ARID3B: variants seen among roughly 807,000 people sequenced by gnomAD.
The protein encoded by ARID3B is AT-rich interactive domain-containing protein 3B.
In ARID3B, 10 loss-of-function variants were observed where a neutral mutation model predicts 51.9. The ratio of observed to expected loss-of-function variants is 0.19; its 90% CI spans 0.12 to 0.33. ARID3B has a LOEUF of 0.33. Among genes scored for constraint, ARID3B ranks in the 10% least tolerant of loss-of-function variants. ARID3B has a pLI of 1.00. For missense variants in ARID3B, 483 were observed against 716.3 expected, an observed-to-expected ratio of 0.67 and a Z score of 3.72; for synonymous variants, 205 against 279.5, an observed-to-expected ratio of 0.73 and a Z score of 2.66.
chr15:74,593,187 C>T lies in ARID3B; in HGVS notation c.1470C>T (p.Ser490=). 6.2e-7 allele frequency: 1 copy of T among 1,613,730 alleles called. No individual in the cohort carries two copies. Among genetic ancestry groups the T allele is most frequent in the Non-Finnish European group, 8.5e-7 (1 of 1,179,996 alleles). Reference sequence around the variant, plus strand: ...CAGCACTGAACCTGACCACGAGTAGCATTGGGAGCATTAACATGTCTGTGG... The same window carrying T: ...CAGCACTGAACCTGACCACGAGTAGTATTGGGAGCATTAACATGTCTGTGG... ...SAAALNLTTS[S]IGSINMSVDI... The change falls in exon 8 of 9, where the codon AGC becomes AGT. Residue 490 remains serine, a synonymous_variant. Coordinates refer to ENST00000346246, the MANE Select transcript of ARID3B (RefSeq NM_006465.4).
intron 8 of ARID3B, among the ~76,000 whole-genome samples, chr15:74,595,019 G>A (rs1179134173): frequency 6.6e-5 from 10 of 152,188 alleles, no homozygotes; most frequent in Admixed American, 6.5e-4. Flanking sequence ...GGAAGGGTCA[G>A]AAGTTGAAGG....
At chr15:74,555,937 G>A (rs1200675079) in intron 2 of ARID3B, among the ~76,000 whole-genome samples, 2 of 151,394 alleles carry the variant, frequency 1.3e-5, no homozygotes, top group African/African-American at 4.9e-5. Context: ...GACTACAGGC[G>A]CCCACCAGCA....
At position 74,589,881 on chromosome 15, in the gene ARID3B, T is replaced by C. The variant is rs1451899941; in HGVS notation, c.759T>C (p.Tyr253=). The part of the protein sequence containing the change: ...AKQILDLYML[Y]KLVTEKGGLV... ...AGATCCTGGACCTGTACATGCTGTA[T>C]AAGCTGGTGACCGAGAAGGGAGGCC... The change falls in exon 5 of 9, where the codon TAT becomes TAC. Residue 253 remains tyrosine (Y), a synonymous_variant. Coordinates refer to ENST00000346246, the MANE Select transcript of ARID3B (RefSeq NM_006465.4). 1 of 1,614,108 alleles carries C rather than the reference T, an allele frequency of 6.2e-7. No homozygotes were observed.
rs2061833191 is a variant in ARID3B at position 74,597,594 on chromosome 15, A to G, written c.*1820A>G. On this transcript the variant is annotated 3_prime_UTR_variant, in exon 9 of 9. Coordinates refer to ENST00000346246, the MANE Select transcript of ARID3B (RefSeq NM_006465.4). ...CTGCAGGGTGTGGGCAGAGAAGGGC[A>G]TCTGGGACGTGGTGCCAGTGAGGAG... 1 of 534,712 alleles carries G rather than the reference A, an allele frequency of 1.9e-6. No homozygotes were observed. The highest frequency in any genetic ancestry group is 3.6e-6 in the Non-Finnish European group (1 of 276,512). The allele number at this position is 534,712 out of a possible 1,614,324, so 33.1% of individuals were successfully genotyped here.
At chr15:74,590,057 G>C (rs938342497) in intron 5 of ARID3B, 54 bp downstream of exon 5, 2 of 1,520,672 alleles carry the variant, frequency 1.3e-6, no homozygotes, top group Non-Finnish European at 1.8e-6. Flanking sequence ...AGGGGATGTT[G>C]TAACCTAGAG....
chr15:74,569,517 G>T (rs1352850448), intron 2 of ARID3B, among the ~76,000 whole-genome samples: 1 of 152,150 alleles, frequency 6.6e-6, no homozygotes, highest in Non-Finnish European at 1.5e-5. Context: ...AACCTAAGAG[G>T]CAGAGGTCGC....
intron 2 of ARID3B, among the ~76,000 whole-genome samples, chr15:74,549,098 C>T (rs964678549): frequency 2.0e-5 from 3 of 150,338 alleles, no homozygotes; most frequent in South Asian, 4.2e-4. Context: ...TTTTTTTAGA[C>T]GGTGTCTCGC....
Position 74,573,223 on chromosome 15 carries a change from A to G in ARID3B, c.697+19A>G. On this transcript the variant is annotated intron_variant, in intron 4 of 8. Transcript: ENST00000346246. ...AAGAGGGGTGAGTGTGCATCTACTC[A>G]TCATTCCAATTCAGGGAATACTGAT... is the stretch of plus-strand genomic sequence containing the variant. 1.9e-6 allele frequency: 3 copies of G among 1,611,682 alleles called. No individual in the cohort carries two copies. The South Asian group carries it at 3.3e-5, about 18-fold the overall frequency.
chr15:74,567,457 A>G (rs1343690322), intron 2 of ARID3B, among the ~76,000 whole-genome samples: 3 of 150,110 alleles, frequency 2.0e-5, no homozygotes, highest in Admixed American at 6.6e-5. Flanking sequence ...TTTTAGTGGT[A>G]TTCTCAGCAG....
At chr15:74,557,667 G>A (rs2141453382) in intron 2 of ARID3B, among the ~76,000 whole-genome samples, 1 of 152,078 alleles carries the variant, frequency 6.6e-6, no homozygotes, top group African/African-American at 2.4e-5. Flanking sequence ...AATACTTAGA[G>A]GCCATTGCAA....
At chr15:74,580,084 G>T (rs1340261311) in intron 4 of ARID3B, among the ~76,000 whole-genome samples, 2 of 152,086 alleles carry the variant, frequency 1.3e-5, no homozygotes, top group Non-Finnish European at 2.9e-5. Flanking sequence ...CCAGCTACTC[G>T]GGAGGCTGAG....
chr15:74,543,898 C>G lies in ARID3B; in HGVS notation c.-39C>G. 1 of 1,579,104 alleles carries G rather than the reference C, an allele frequency of 6.3e-7. No homozygotes were observed. The highest frequency in any genetic ancestry group is 8.6e-7 in the Non-Finnish European group (1 of 1,163,228). On this transcript the variant is annotated 5_prime_UTR_variant, in exon 2 of 9. Transcript: ENST00000346246. ...GTGCCTGGTGGGCTGTGCCCAGGTT[C>G]AGAGTCATGCCACTCTGTGGGTGAA...
In ARID3B at chr15:74,596,875, G is replaced by T. The variant is rs187173424; in HGVS notation, c.*1101G>T. The T allele has an allele frequency of 4.7e-5, 11 of 233,598 alleles. No individual in the cohort carries two copies. The highest frequency in any genetic ancestry group is 8.5e-5 in the Non-Finnish European group (10 of 117,994). The allele number at this position is 233,598 out of a possible 1,614,324, so 14.5% of individuals were successfully genotyped here. On this transcript the variant is annotated 3_prime_UTR_variant, in exon 9 of 9. Coordinates refer to ENST00000346246, the MANE Select transcript of ARID3B (RefSeq NM_006465.4). ...ACCCCCAAAGCCAAGCAAGTGATTG[G>T]GTAACCCGGCCCCTCTGGCCCTTCC...
intron 4 of ARID3B, 79 bp downstream of exon 4, chr15:74,573,283 T>C (rs1277868572): frequency 6.9e-7 from 1 of 1,455,684 alleles, no homozygotes. Context: ...CTGTTAGACA[T>C]CCTGGCCCAC....
At chr15:74,572,064 G>A (rs764198431) in intron 2 of ARID3B, among the ~76,000 whole-genome samples, 11 of 151,994 alleles carry the variant, frequency 7.2e-5, no homozygotes, top group African/African-American at 2.4e-4. Flanking sequence ...AGCCGAGATC[G>A]TGCCATTGCA....
chr15:74,545,713 A>G (rs2061613161), intron 2 of ARID3B, among the ~76,000 whole-genome samples: 2 of 152,240 alleles, frequency 1.3e-5, no homozygotes, highest in Admixed American at 1.3e-4. Context: ...CTGAGAAGTC[A>G]TATAAGAAAG....
Position 74,544,095 on chromosome 15 carries a change from T to A in ARID3B, c.159T>A (p.Leu53=), listed in dbSNP as rs200713995. The A allele has an allele frequency of 3.1e-6, 5 of 1,613,846 alleles. No individual in the cohort carries two copies. Among genetic ancestry groups the A allele is most frequent in the Non-Finnish European group, 4.2e-6 (5 of 1,179,882 alleles). The change falls in exon 2 of 9, where the codon CTT becomes CTA. Residue 53 remains leucine, a synonymous_variant. Coordinates refer to ENST00000346246, the MANE Select transcript of ARID3B (RefSeq NM_006465.4). ...AGCTGGTCACACAGCCGACTCTCCT[T>A]TCCGCCACAGCTGGGAGACCTTCTG... ...AQKLVTQPTL[L]SATAGRPSGS...
intron 2 of ARID3B, among the ~76,000 whole-genome samples, chr15:74,546,878 T>C (rs2061617801): frequency 6.6e-6 from 1 of 152,164 alleles, no homozygotes. Context: ...TTTTTAACAT[T>C]GATTTGATCT....
intron 2 of ARID3B, among the ~76,000 whole-genome samples, chr15:74,552,384 G>T (rs376444258): frequency 4.1e-5 from 2 of 48,550 alleles, no homozygotes; most frequent in Admixed American, 2.2e-4. Context: ...TGGTAGAAAC[G>T]GGGTTTCTCC....
Sources: allele counts gnomAD v4.1 joint callset (sites outside exome capture counted in the v4.1 genomes callset), GRCh38; gene constraint gnomAD v4.1.1; transcripts MANE v1.5; gene names NCBI Gene and HGNC (gene_info 2026-07-23, HGNC 2026-07-21).